Variants in EXOC7 observed in about 807,000 individuals in gnomAD.
EXOC7 encodes exocyst complex component Exo70.
Under a neutral mutation model 87.6 loss-of-function variants are expected in EXOC7, and 51 were observed. That is an observed-to-expected ratio of 0.58 (90% CI 0.46 to 0.73). The LOEUF (loss-of-function observed/expected upper bound fraction) is 0.73, where lower values mean the gene tolerates loss of function less well. Ranked by LOEUF, EXOC7 falls within the 30% of genes least tolerant of loss-of-function variation. The probability of loss-of-function intolerance (pLI) is 0.00; values close to 1 mark genes in which losing one functional copy is unlikely to be tolerated. For synonymous variants in EXOC7, 327 were observed against 357.1 expected, an observed-to-expected ratio of 0.92 and a Z score of 0.95; for missense variants, 744 against 888.4, an observed-to-expected ratio of 0.84 and a Z score of 2.07.
intron 6 of EXOC7, among the ~76,000 whole-genome samples, chr17:76,091,915 G>A (rs2247007): frequency 0.49 from 73,800 of 152,034 alleles, 18,414 homozygotes; most frequent in South Asian, 0.67. Context: ...GGGTGTGCAC[G>A]GAAGGAGAGG....
rs2068171543 is a variant in EXOC7, at chr17:76,103,364, G to C, written c.123C>G (p.Asn41Lys). 6.2e-7 allele frequency: 1 copy of C among 1,600,032 alleles called. No homozygotes were observed. The highest frequency in any genetic ancestry group is 1.3e-5 in the African/African-American group (1 of 74,768). Residue 41 changes from asparagine (N) to lysine (K), a missense_variant, in exon 2 of 19, where the codon AAC (asparagine) becomes AAG (lysine). Physicochemically the swap from Asn to Lys is moderately conservative, Grantham distance 94. Transcript: ENST00000589210. Reference sequence around the variant, plus strand: ...CCCCAGCTGCGGGGAGACTCACCATGTTCTTAGTGAGCTGGTCGCTCTTCT... The same window carrying C: ...CCCCAGCTGCGGGGAGACTCACCATCTTCTTAGTGAGCTGGTCGCTCTTCT... ...SLEKSDQLTK[N>K]MVSILSSFES...
chr17:76,087,247 C>A (rs1287786367), intron 12 of EXOC7: 1 of 374,778 alleles, frequency 2.7e-6, no homozygotes, highest in Admixed American at 4.3e-5. Flanking sequence ...AGGGCAGGGC[C>A]AGCAGGAAGA....
chr17:76,090,535 AG>A (rs1567971872), intron 7 of EXOC7: 2 of 1,518,650 alleles, frequency 1.3e-6, no homozygotes, highest in Admixed American at 2.0e-5. Context: ...GGCATCGGAG[AG>A]GGCCCTGAGC....
rs2144583824 is a variant in EXOC7 at position 76,083,755 on chromosome 17, G to A, written c.1953-5C>T. ...GTGAAGGGCACGCTGCCAAACCTGA[G>A]GAGGCACTGTGGTCAGGGGACAGGG... On this transcript the variant is annotated splice_region_variant and splice_polypyrimidine_tract_variant and intron_variant, in intron 18 of 18. Coordinates refer to ENST00000589210, the MANE Select transcript of EXOC7 (RefSeq NM_001013839.4). 6.2e-7 allele frequency: 1 copy of A among 1,612,540 alleles called. No individual in the cohort carries two copies. Among genetic ancestry groups the A allele is most frequent in the Admixed American group, 1.7e-5 (1 of 60,018 alleles).
chr17:76,087,073 G>A (rs1473419138), intron 12 of EXOC7, among the ~76,000 whole-genome samples: 2 of 152,198 alleles, frequency 1.3e-5, no homozygotes, highest in African/African-American at 2.4e-5. Flanking sequence ...TGAGGACCAG[G>A]GAACACCCTG....
At position 76,086,111 on chromosome 17, in the gene EXOC7, C is replaced by T; in HGVS notation, c.1464G>A (p.Glu488=). Residue 488 remains glutamate, a synonymous_variant, in exon 13 of 19, where the codon GAG becomes GAA. Coordinates refer to ENST00000589210, the MANE Select transcript of EXOC7 (RefSeq NM_001013839.4). ...AGGTGCTTAGCAGCCGCTTGCTGAA[C>T]TCAGAGCTGTAGCTGGTGGCCGAAG... The part of the protein sequence containing the change: ...TSSSATSYSS[E]FSKRLLSTYI... 6.2e-7 allele frequency: 1 copy of T among 1,613,950 alleles called. No homozygotes were observed. The highest frequency in any genetic ancestry group is 8.5e-7 in the Non-Finnish European group (1 of 1,180,038).
chr17:76,081,657 G>T lies in EXOC7; in HGVS notation c.*1991C>A, dbSNP rs201259366. 5 of 1,614,124 alleles carry T rather than the reference G, an allele frequency of 3.1e-6. No individual in the cohort carries two copies. Among genetic ancestry groups the T allele is most frequent in the Non-Finnish European group, 4.2e-6 (5 of 1,180,030 alleles). ...TTGCTGCCCCTCCGGGCCATTGAGC[G>T]CATAGGCTACAAGGTGACATTGCTG... On this transcript the variant is annotated 3_prime_UTR_variant, in exon 19 of 19. Transcript: ENST00000589210.
chr17:76,102,664 G>A (rs752443250), intron 2 of EXOC7, among the ~76,000 whole-genome samples: 13 of 152,044 alleles, frequency 8.6e-5, no homozygotes, highest in Non-Finnish European at 1.6e-4. Context: ...TTATTATTGT[G>A]TGACTAAATG....
chr17:76,082,781 G>A lies in EXOC7; in HGVS notation c.*867C>T, dbSNP rs1287355106. On this transcript the variant is annotated 3_prime_UTR_variant, in exon 19 of 19. Transcript: ENST00000589210. Reference sequence around the variant, plus strand: ...CTCCGCTAGCACACAAGCACAGAGCGTGAAATAAACCCATCTCCAGTGCAA... The same window carrying A: ...CTCCGCTAGCACACAAGCACAGAGCATGAAATAAACCCATCTCCAGTGCAA... 21 of 924,376 alleles carry A rather than the reference G, an allele frequency of 2.3e-5. No homozygotes were observed. The highest frequency in any genetic ancestry group is 1.8e-4 in the African/African-American group (11 of 59,800). 57.3% of individuals were successfully genotyped at this position (924,376 alleles called of 1,614,324 possible).
Position 76,083,683 on chromosome 17 carries a change from C to T in EXOC7, c.2020G>A (p.Asp674Asn), listed in dbSNP as rs765710310. The stretch of plus-strand genomic sequence containing the variant: ...GTGTCGAAAAGGCGATCGATCATGT[C>T]GCCCACCTGCTCCACCCCGTACTTG... Reference protein sequence around the residue: ...YIKYGVEQVGDMIDRLFDTSA With the variant: ...YIKYGVEQVGNMIDRLFDTSA Residue 674 changes from aspartate (D) to asparagine (N), a missense_variant, in exon 19 of 19, where the codon GAC becomes AAC. Asp to Asn is a conservative substitution (Grantham distance 23, BLOSUM62 1). Transcript: ENST00000589210. The T allele has an allele frequency of 5.0e-6, 8 of 1,613,748 alleles. No individual in the cohort carries two copies. The highest frequency in any genetic ancestry group is 3.3e-4 in the Middle Eastern group (2 of 6,004).
chr17:76,103,480 A>C (rs2068181109), intron 1 of EXOC7, 54 bp from the exon 2 acceptor site: 1 of 1,556,896 alleles, frequency 6.4e-7, no homozygotes, highest in Admixed American at 1.9e-5. Flanking sequence ...AAAGGAGACC[A>C]CTGCGTCCCA....
chr17:76,081,787 GT>G lies in EXOC7; in HGVS notation c.*1860del, dbSNP rs776816026. On this transcript the variant is annotated 3_prime_UTR_variant, in exon 19 of 19. Transcript: ENST00000589210. ...CCTGCTCCCTTACCCAGTCTGCCCT[GT>G]TTCTCCCCGGTCACCCACTGGTGCT... 6.2e-7 allele frequency: 1 copy of G among 1,613,570 alleles called. No homozygotes were observed. The highest frequency in any genetic ancestry group is 1.1e-5 in the South Asian group (1 of 91,074).
Position 76,089,299 on chromosome 17 carries a change from A to C in EXOC7, c.923T>G (p.Val308Gly), listed in dbSNP as rs774053912. 6.2e-7 allele frequency: 1 copy of C among 1,614,062 alleles called. No homozygotes were observed. Among genetic ancestry groups the C allele is most frequent in the Non-Finnish European group, 8.5e-7 (1 of 1,179,994 alleles). ...GCAGTGGATGTAGGCATCGGTCTCC[A>C]CGTCCAGCATGTCATCTCTCCCTGG... ...PLEGRDDMLD[V>G]ETDAYIHCVS... The change falls in exon 8 of 19, where the codon GTG (valine) becomes GGG (glycine). Residue 308 changes from valine (V) to glycine (G), a missense_variant. Around this residue, in one of 3 missense-constraint regions of EXOC7, gnomAD observed 512 missense variants for 573.0 expected, o/e 0.89. Transcript: ENST00000589210.
In EXOC7 at chr17:76,097,944, G is replaced by A. The variant is rs781768459; in HGVS notation, c.492C>T (p.Val164=). 1.4e-5 allele frequency: 23 copies of A among 1,613,924 alleles called. No individual in the cohort carries two copies. The highest frequency in any genetic ancestry group is 2.2e-5 in the South Asian group (2 of 91,076). ...FRSLMTRHSK[V]VSPVLILDLI... ...GATCCAAGATGAGCACGGGCGAGAC[G>A]ACCTTACTGTGCCGCGTCATCAGGC... The change falls in exon 5 of 19, where the codon GTC becomes GTT. Residue 164 remains valine, a synonymous_variant. Coordinates refer to ENST00000589210, the MANE Select transcript of EXOC7 (RefSeq NM_001013839.4).
At chr17:76,089,420 T>G in intron 7 of EXOC7, 100 bp from the exon 8 acceptor site, 1 of 1,435,734 alleles carries the variant, frequency 7.0e-7, no homozygotes, top group East Asian at 2.4e-5. Context: ...TACCCCACAC[T>G]GGCAGAGGAT....
At chr17:76,098,622 G>A (rs928620671) in intron 4 of EXOC7, among the ~76,000 whole-genome samples, 1 of 151,784 alleles carries the variant, frequency 6.6e-6, no homozygotes, top group Non-Finnish European at 1.5e-5. Context: ...AGCACTTTGG[G>A]AGGCCGAGGC....
At chr17:76,094,653 C>T in intron 5 of EXOC7, 72 bp from the exon 6 acceptor site, 7 of 1,439,770 alleles carry the variant, frequency 4.9e-6, no homozygotes, top group Non-Finnish European at 6.7e-6. Context: ...ACCATGTCTA[C>T]CTGTCAAACC....
intron 3 of EXOC7, 36 bp from the exon 4 acceptor site, chr17:76,101,412 G>A: frequency 2.5e-6 from 4 of 1,611,622 alleles, no homozygotes; most frequent in Non-Finnish European, 3.4e-6. Flanking sequence ...GCTGGGGCAT[G>A]GGGGATGAAG....
chr17:76,099,364 C>G (rs1299488271), intron 4 of EXOC7, among the ~76,000 whole-genome samples: 1 of 151,832 alleles, frequency 6.6e-6, no homozygotes, highest in Admixed American at 6.6e-5. Context: ...AAAATTAGCT[C>G]GGTGTGGTGG....
Sources: gnomAD v4.1 joint callset for allele counts (sites outside exome capture counted in the v4.1 genomes callset) on GRCh38, gnomAD v4.1.1 for gene constraint, gnomAD v4.1.1 regional missense constraint, MANE v1.5 for transcripts, NCBI Gene and HGNC (gene_info 2026-07-23, HGNC 2026-07-21) for gene names.